The following PIK3C2G variants were observed in gnomAD, a reference collection of about 807,000 sequenced individuals.
PIK3C2G encodes the protein phosphatidylinositol 3-kinase C2 domain-containing subunit gamma.
In PIK3C2G, 168 loss-of-function variants were observed where a neutral mutation model predicts 181.1. The ratio of observed to expected loss-of-function variants is 0.93; its 90% CI spans 0.82 to 1.05. PIK3C2G has a LOEUF of 1.05. Ranked by LOEUF, PIK3C2G falls within the 50% of genes least tolerant of loss-of-function variation. The pLI is 0.00. For missense variants in PIK3C2G, 1,869 were observed against 1,732.8 expected (o/e 1.08, Z -1.40); for synonymous variants, 573 against 592.2 (o/e 0.97, Z 0.47).
the PIK3C2G span, among the ~76,000 whole-genome samples, chr12:18,662,023 G>A: frequency 6.6e-6 from 1 of 152,070 alleles, no homozygotes; most frequent in Non-Finnish European, 1.5e-5. Flanking sequence ...ACTAACGCAG[G>A]AACAGAAAAC....
At chr12:18,480,799 G>A (rs940030170) in intron 18 of PIK3C2G, among the ~76,000 whole-genome samples, 1 of 152,218 alleles carries the variant, frequency 6.6e-6, no homozygotes, top group African/African-American at 2.4e-5. Context: ...CCTCTGAGCT[G>A]CTAGTCTGGG....
rs552560836 is a variant in PIK3C2G at position 18,634,200 on chromosome 12, T to A, written c.4183-6229T>A. ...AGTGAAGTCCATGAACATGGGCCCA[T>A]TGCCATGCTCTTTTTGCTGTGATGT... On this transcript the variant is annotated intron_variant, in intron 31 of 32. Coordinates refer to ENST00000538779, the MANE Select transcript of PIK3C2G (RefSeq NM_001288772.2). 7.9e-4 allele frequency among the ~76,000 whole-genome samples: 120 copies of A among 152,292 alleles called. 3 individuals carry two copies. In the South Asian group the frequency reaches 0.024, roughly 31 times the overall value.
intron 19 of PIK3C2G, among the ~76,000 whole-genome samples, chr12:18,489,834 C>T (rs1304502687): frequency 1.3e-5 from 2 of 152,042 alleles, no homozygotes; most frequent in Non-Finnish European, 2.9e-5. Context: ...TTAAGATGTA[C>T]ATTATACTTA....
In PIK3C2G at chr12:18,450,972, T is replaced by A. The variant is rs141166425; in HGVS notation, c.2504+26933T>A. Among the ~76,000 whole-genome samples, 1,335 of 152,330 alleles carry A rather than the reference T, an allele frequency of 8.8e-3. 21 individuals are homozygous for A. Among genetic ancestry groups the A allele is most frequent in the African/African-American group, 0.031 (1,293 of 41,560 alleles). Reference sequence around the variant, plus strand: ...GATACCAGTACCATGCTCTTTTGGTTACTGTAGCCTTGTAGTATAGTTTGA... The same window carrying A: ...GATACCAGTACCATGCTCTTTTGGTAACTGTAGCCTTGTAGTATAGTTTGA... On this transcript the variant is annotated intron_variant, in intron 18 of 32. Transcript: ENST00000538779.
At chr12:18,561,475 TC>T (rs1238565652) in intron 26 of PIK3C2G, among the ~76,000 whole-genome samples, 1 of 151,936 alleles carries the variant, frequency 6.6e-6, no homozygotes, top group East Asian at 1.9e-4. Context: ...TAAGACCCTA[TC>T]TCTGAAAATA....
At chr12:18,461,168 T>C (rs1297017671) in intron 18 of PIK3C2G, among the ~76,000 whole-genome samples, 1 of 152,156 alleles carries the variant, frequency 6.6e-6, no homozygotes, top group African/African-American at 2.4e-5. Flanking sequence ...ATTTAAAAAA[T>C]ACAGCCTACC....
the PIK3C2G span, among the ~76,000 whole-genome samples, chr12:18,680,197 G>T: frequency 6.6e-6 from 1 of 151,974 alleles, no homozygotes; most frequent in Non-Finnish European, 1.5e-5. Flanking sequence ...AATGTCCATT[G>T]TTCAATCCCA....
At chr12:18,414,753 T>C (rs1945077438) in intron 16 of PIK3C2G, among the ~76,000 whole-genome samples, 1 of 152,226 alleles carries the variant, frequency 6.6e-6, no homozygotes, top group Admixed American at 6.5e-5. Flanking sequence ...TGTTGACCTA[T>C]ATTGCCAACA....
chr12:18,389,410 A>G (rs1943394792), intron 14 of PIK3C2G, among the ~76,000 whole-genome samples: 1 of 151,876 alleles, frequency 6.6e-6, no homozygotes, highest in Non-Finnish European at 1.5e-5. Flanking sequence ...ACAGCCATAG[A>G]AGGAGAAAGA....
chr12:18,684,666 T>C, the PIK3C2G span, among the ~76,000 whole-genome samples: 1 of 152,084 alleles, frequency 6.6e-6, no homozygotes, highest in African/African-American at 2.4e-5. Context: ...TTATGCAATA[T>C]GACTGATGTA....
At chr12:18,528,141 A>G (rs1380228898) in intron 24 of PIK3C2G, among the ~76,000 whole-genome samples, 1 of 152,116 alleles carries the variant, frequency 6.6e-6, no homozygotes, top group East Asian at 1.9e-4. Context: ...CTAATGTTCT[A>G]TCCTATCCAA....
At chr12:18,559,559 T>C (rs1208385427) in intron 26 of PIK3C2G, among the ~76,000 whole-genome samples, 1 of 151,258 alleles carries the variant, frequency 6.6e-6, no homozygotes, top group Non-Finnish European at 1.5e-5. Flanking sequence ...AGGGTGAGGG[T>C]TCTGTGGCAA....
Position 18,430,075 on chromosome 12 carries a change from G to C in PIK3C2G, c.2504+6036G>C, listed in dbSNP as rs531379775. 2.0e-3 allele frequency among the ~76,000 whole-genome samples: 301 copies of C among 152,212 alleles called. 3 individuals carry two copies. The Middle Eastern group carries it at 0.031, about 15-fold the overall frequency. On this transcript the variant is annotated intron_variant, in intron 18 of 32. Coordinates refer to ENST00000538779, the MANE Select transcript of PIK3C2G (RefSeq NM_001288772.2). ...CTTACTCCCTCATAAGATTTTTCCT[G>C]AAGAGCACTTCTTCAGTAAATCACA...
intron 30 of PIK3C2G, among the ~76,000 whole-genome samples, chr12:18,606,875 A>G (rs551935278): frequency 5.6e-4 from 85 of 152,252 alleles, no homozygotes; most frequent in African/African-American, 1.9e-3. Context: ...TAAACAATAA[A>G]TTTTTAATTA....
intron 18 of PIK3C2G, among the ~76,000 whole-genome samples, chr12:18,451,574 C>G (rs896995720): frequency 6.6e-6 from 1 of 152,144 alleles, no homozygotes; most frequent in African/African-American, 2.4e-5. Context: ...ATTTCTTTCT[C>G]TTGCCTGATT....
rs567879342 is a variant in PIK3C2G, at chr12:18,636,118, T to G, written c.4183-4311T>G. Among the ~76,000 whole-genome samples, 3 of 152,284 alleles carry G rather than the reference T, an allele frequency of 2.0e-5. No individual in the cohort carries two copies. In the East Asian group the frequency reaches 5.8e-4, roughly 29 times the overall value. The stretch of plus-strand genomic sequence containing the variant: ...CAGTGTGTTACCATATGAACTAAAT[T>G]ATGACATAGAGCTGGAGAGTTGATG... On this transcript the variant is annotated intron_variant, in intron 31 of 32. Coordinates refer to ENST00000538779, the MANE Select transcript of PIK3C2G (RefSeq NM_001288772.2).
chr12:18,282,691 T>C lies in PIK3C2G; in HGVS notation c.610T>C (p.Ser204Pro), dbSNP rs1949272468. The change falls in exon 2 of 33, where the codon TCT becomes CCT. Residue 204 changes from serine (S) to proline (P), a missense_variant. Transcript: ENST00000538779. ...RSGHVNIVEP[S>P]LMLLKGSLQP... is the part of the protein sequence containing the mutation. The stretch of plus-strand genomic sequence containing the variant: ...TGGACATGTGAACATTGTGGAACCA[T>C]CTTTGATGCTTTTGAAAGGCTCTCT... The C allele has an allele frequency of 3.1e-6, 5 of 1,613,024 alleles. No homozygotes were observed. The highest frequency in any genetic ancestry group is 2.2e-5 in the South Asian group (2 of 90,884).
At chr12:18,500,018 C>G (rs1300400309) in intron 22 of PIK3C2G, among the ~76,000 whole-genome samples, 1 of 152,286 alleles carries the variant, frequency 6.6e-6, no homozygotes, top group African/African-American at 2.4e-5. Flanking sequence ...CTCTCGGCGC[C>G]TCCTCTGCCT....
chr12:18,701,815 A>C, the PIK3C2G span: 10 of 1,566,286 alleles, frequency 6.4e-6, 1 homozygote, highest in South Asian at 9.3e-5. Flanking sequence ...ACACATTTAC[A>C]AGTAAATTTG....
Sources: gnomAD v4.1 joint callset for allele counts (sites outside exome capture counted in the v4.1 genomes callset) on GRCh38, gnomAD v4.1.1 for gene constraint, MANE v1.5 for transcripts, NCBI Gene and HGNC (gene_info 2026-07-23, HGNC 2026-07-21) for gene names.